Variants in DHX57 observed in about 807,000 individuals in gnomAD.
DHX57 encodes putative ATP-dependent RNA helicase DHX57.
Under a neutral mutation model 156.2 loss-of-function variants are expected in DHX57, and 105 were observed. That is an observed-to-expected ratio of 0.67 (90% CI 0.57 to 0.79). The LOEUF (loss-of-function observed/expected upper bound fraction) is 0.79. Among genes scored for constraint, DHX57 ranks in the 30% least tolerant of loss-of-function variants. DHX57 has a pLI of 0.00. For missense variants in DHX57, 1,847 were observed against 1,661.9 expected (o/e 1.11, Z -1.94); for synonymous variants, 704 against 595.6 (o/e 1.18, Z -2.65).
intron 20 of DHX57, among the ~76,000 whole-genome samples, chr2:38,814,479 A>C (rs1305619474): frequency 1.3e-5 from 2 of 152,170 alleles, no homozygotes; most frequent in Non-Finnish European, 2.9e-5. Flanking sequence ...ATGGAGAAAA[A>C]AATTATGGTT....
intron 10 of DHX57, 131 bp downstream of exon 10, chr2:38,848,138 G>T: frequency 9.5e-7 from 1 of 1,052,100 alleles, no homozygotes; most frequent in Non-Finnish European, 1.3e-6. Flanking sequence ...GCATTATATG[G>T]TTTATGATTT....
At chr2:38,860,364 G>A (rs1000631172) in intron 5 of DHX57, among the ~76,000 whole-genome samples, 11 of 152,120 alleles carry the variant, frequency 7.2e-5, no homozygotes, top group African/African-American at 2.4e-4. Context: ...CAGGAGAATC[G>A]CTTGAACCTG....
At chr2:38,854,257 G>T in intron 8 of DHX57, 79 bp from the exon 9 acceptor site, 1 of 1,430,112 alleles carries the variant, frequency 7.0e-7, no homozygotes, top group Non-Finnish European at 9.5e-7. Context: ...CATTTTGAAT[G>T]GATAGTGATA....
Position 38,868,852 on chromosome 2 carries a change from G to A in DHX57, c.-6-441C>T, listed in dbSNP as rs371489631. Among the ~76,000 whole-genome samples, 50 of 151,986 alleles carry A rather than the reference G, an allele frequency of 3.3e-4. No individual in the cohort carries two copies. The East Asian group carries it at 8.9e-3, about 27-fold the overall frequency. On this transcript the variant is annotated intron_variant, in intron 1 of 23. Coordinates refer to ENST00000457308, the MANE Select transcript of DHX57 (RefSeq NM_198963.3). ...TTTAGAGATGGAGTCTTGCTCTGTC[G>A]CCCAGGCCGGATGATCTCAGCTCAC...
intron 23 of DHX57, among the ~76,000 whole-genome samples, 175 bp downstream of exon 23, chr2:38,802,540 G>T (rs1320181639): frequency 6.6e-6 from 1 of 151,972 alleles, no homozygotes; most frequent in African/African-American, 2.4e-5. Flanking sequence ...TGCCTGCCTC[G>T]GCCTCCCAAA....
chr2:38,829,256 T>C (rs1349353159), intron 13 of DHX57, among the ~76,000 whole-genome samples: 3 of 148,148 alleles, frequency 2.0e-5, no homozygotes, highest in African/African-American at 5.0e-5. Context: ...CTAAGCTCTA[T>C]AAATAAACTT....
intron 21 of DHX57, among the ~76,000 whole-genome samples, chr2:38,808,848 T>C (rs1670088057): frequency 6.6e-6 from 1 of 152,074 alleles, no homozygotes; most frequent in Non-Finnish European, 1.5e-5. Flanking sequence ...GGTCTTCAAT[T>C]CCTGGCCTTA....
rs376006438 is a variant in DHX57 at position 38,868,283 on chromosome 2, A to G, written c.123T>C (p.Gly41=). The change falls in exon 2 of 24, where the codon GGT becomes GGC. Residue 41 remains glycine, a synonymous_variant. Transcript: ENST00000457308. ...SKSHGSGGGG[G]GGGGGGGGNR... ...TGCCGCCACCTCCACCACCACCACC[A>G]CCGCCACCGCCACCACTCCCATGAG... 4.5e-6 allele frequency: 7 copies of G among 1,567,242 alleles called. No homozygotes were observed. Among genetic ancestry groups the G allele is most frequent in the South Asian group, 1.1e-5 (1 of 90,242 alleles).
rs1334718604 is a variant in DHX57, at chr2:38,843,104, C to G, written c.2326G>C (p.Asp776His). 1 of 1,614,182 alleles carries G rather than the reference C, an allele frequency of 6.2e-7. No individual in the cohort carries two copies. Among genetic ancestry groups the G allele is most frequent in the Admixed American group, 1.7e-5 (1 of 60,010 alleles). Residue 776 changes from aspartate to histidine, a missense_variant, in exon 12 of 24, where the codon GAC (aspartate) becomes CAC (histidine). Physicochemically the swap from Asp to His is moderately conservative, Grantham distance 81. Transcript: ENST00000457308. ...TGGAGGTGAAGGGAGAGCCTTAGGT[C>G]TTCTTCCACTTCTTCAAATGCAGTT... ...NRTAFEEVEEDLRLSLHLQDQ... is the reference protein window; with the variant it reads ...NRTAFEEVEEHLRLSLHLQDQ...
chr2:38,857,463 A>G (rs1480606826), intron 6 of DHX57, among the ~76,000 whole-genome samples: 1 of 152,222 alleles, frequency 6.6e-6, no homozygotes, highest in African/African-American at 2.4e-5. Context: ...TTTTATCATA[A>G]ACTTATCACA....
At chr2:38,867,664 T>C (rs1383152894) in intron 2 of DHX57, among the ~76,000 whole-genome samples, 1 of 152,180 alleles carries the variant, frequency 6.6e-6, no homozygotes, top group Non-Finnish European at 1.5e-5. Flanking sequence ...GTTCAAGCAA[T>C]TCTCCTGCCT....
chr2:38,858,420 G>A (rs1003057674), intron 6 of DHX57, among the ~76,000 whole-genome samples: 3 of 104,906 alleles, frequency 2.9e-5, no homozygotes, highest in Non-Finnish European at 7.0e-5. Flanking sequence ...CAGTACCAAA[G>A]GCACATGACT....
chr2:38,798,348 C>G lies in DHX57; in HGVS notation c.4112G>C (p.Arg1371Pro). 3 of 1,613,974 alleles carry G rather than the reference C, an allele frequency of 1.9e-6. No individual in the cohort carries two copies. The highest frequency in any genetic ancestry group is 2.5e-6 in the Non-Finnish European group (3 of 1,179,976). The change falls in exon 24 of 24, where the codon CGA (arginine) becomes CCA (proline). Residue 1371 changes from arginine to proline, a missense_variant. Transcript: ENST00000457308. Reference protein sequence around the residue: ...NPSIDLCTCPRGSRIISTIVK... With the variant: ...NPSIDLCTCPPGSRIISTIVK... ...AATTGTGCTGATGATCCGGGATCCT[C>G]GAGGACACGTACACAGATCAATGCT... is the stretch of plus-strand genomic sequence containing the variant.
intron 22 of DHX57, among the ~76,000 whole-genome samples, chr2:38,803,885 G>A (rs1487777159): frequency 2.6e-5 from 4 of 151,778 alleles, no homozygotes; most frequent in Non-Finnish European, 5.9e-5. Context: ...AGGTTCAAGT[G>A]ATTCCCCTGC....
chr2:38,815,718 A>G, intron 19 of DHX57, 63 bp from the exon 20 acceptor site: 1 of 1,598,828 alleles, frequency 6.3e-7, no homozygotes, highest in Non-Finnish European at 8.6e-7. Flanking sequence ...AAGTCTTACA[A>G]AAATGAGTGA....
chr2:38,835,379 C>A (rs368689315), intron 13 of DHX57, among the ~76,000 whole-genome samples: 20 of 152,264 alleles, frequency 1.3e-4, no homozygotes, highest in African/African-American at 4.8e-4. Context: ...AGAAGAAACA[C>A]CAGCTGCCAG....
chr2:38,830,253 T>G (rs902335633), intron 13 of DHX57, among the ~76,000 whole-genome samples: 1 of 152,202 alleles, frequency 6.6e-6, no homozygotes, highest in Non-Finnish European at 1.5e-5. Context: ...AGAGATCTTA[T>G]AGCATTTTAA....
At chr2:38,859,275 C>G (rs578258199) in intron 5 of DHX57, among the ~76,000 whole-genome samples, 1 of 152,238 alleles carries the variant, frequency 6.6e-6, no homozygotes, top group African/African-American at 2.4e-5. Flanking sequence ...AAGCCCATCT[C>G]AAAAAGCTGC....
chr2:38,803,548 T>G (rs1232775252), intron 22 of DHX57, among the ~76,000 whole-genome samples: 1 of 151,296 alleles, frequency 6.6e-6, no homozygotes, highest in Admixed American at 6.6e-5. Context: ...AGTGCAATGG[T>G]GTGATCTCGG....
Sources: allele counts gnomAD v4.1 joint callset (sites outside exome capture counted in the v4.1 genomes callset), GRCh38; gene constraint gnomAD v4.1.1; transcripts MANE v1.5; gene names NCBI Gene and HGNC (gene_info 2026-07-23, HGNC 2026-07-21).